The following TGM5 variants were observed in gnomAD, a reference collection of about 807,000 sequenced individuals.
TGM5 encodes the protein protein-glutamine gamma-glutamyltransferase 5.
TGM5 carries 69 observed loss-of-function variants against 77.2 expected under a neutral mutation model. The ratio of observed to expected loss-of-function variants is 0.89; its 90% CI spans 0.74 to 1.09. The LOEUF (loss-of-function observed/expected upper bound fraction) is 1.09, where lower values mean the gene tolerates loss of function less well. Among genes scored for constraint, TGM5 ranks in the 50% least tolerant of loss-of-function variants. The pLI is 0.00. For synonymous variants in TGM5, 346 were observed against 351.8 expected, an observed-to-expected ratio of 0.98 and a Z score of 0.18; for missense variants, 842 against 896.5, an observed-to-expected ratio of 0.94 and a Z score of 0.78.
In TGM5 at chr15:43,260,479, C is replaced by G. The variant is rs548499956; in HGVS notation, c.111G>C (p.Gln37His). The change falls in exon 2 of 13, where the codon CAG becomes CAC. Residue 37 changes from glutamine (Q) to histidine (H), a missense_variant. Physicochemically the swap from Gln to His is conservative, Grantham distance 24. Transcript: ENST00000220420. ...TGAAGTACAGGGTGAGGTTGAAGGC[C>G]TGGCCCCGGCGAACAAGCAGGTGGT... is the stretch of plus-strand genomic sequence containing the variant. ...TVDHLLVRRG[Q>H]AFNLTLYFRN... The G allele has an allele frequency of 6.2e-7, 1 of 1,614,172 alleles. No individual in the cohort carries two copies. The highest frequency in any genetic ancestry group is 1.1e-5 in the South Asian group (1 of 91,080).
chr15:43,235,464 C>A lies in TGM5; in HGVS notation c.1714+5G>T, dbSNP rs774026449. On this transcript the variant is annotated splice_donor_5th_base_variant and intron_variant, in intron 10 of 12. Transcript: ENST00000220420. The stretch of plus-strand genomic sequence containing the variant: ...TCTGCGTACACAAACTGTGCACATG[C>A]GTACCTTCTTTAGGAGAGAGTGTGA... The A allele has an allele frequency of 6.2e-7, 1 of 1,613,968 alleles. No homozygotes were observed. Among genetic ancestry groups the A allele is most frequent in the African/African-American group, 1.3e-5 (1 of 74,910 alleles).
intron 3 of TGM5, among the ~76,000 whole-genome samples, chr15:43,258,974 G>C (rs1425087269): frequency 6.6e-6 from 1 of 152,204 alleles, no homozygotes; most frequent in Non-Finnish European, 1.5e-5. Context: ...GCCATTCGGG[G>C]ACAGGGAAGC....
In TGM5 at chr15:43,252,842, G is replaced by A; in HGVS notation, c.779C>T (p.Ala260Val). ...TGTGGCGTTCCACTGCTTCAGGATG[G>A]CCACGCTGCCCGTCCACTCCGCAGG... ...ANPAEWTGSVAILKQWNATGC... is the reference protein window; with the variant it reads ...ANPAEWTGSVVILKQWNATGC... The change falls in exon 6 of 13, where the codon GCC becomes GTC. Residue 260 changes from alanine to valine, a missense_variant. Around this residue, in one of 2 missense-constraint regions of TGM5, gnomAD observed 815 missense variants for 844.6 expected, o/e 0.96. Transcript: ENST00000220420. 1 of 1,613,926 alleles carries A rather than the reference G, an allele frequency of 6.2e-7. No homozygotes were observed. The highest frequency in any genetic ancestry group is 8.5e-7 in the Non-Finnish European group (1 of 1,180,020).
chr15:43,242,402 A>G (rs937883644), intron 6 of TGM5, among the ~76,000 whole-genome samples: 2 of 151,256 alleles, frequency 1.3e-5, no homozygotes, highest in Admixed American at 6.6e-5. Flanking sequence ...TTGGTTTTCA[A>G]TTTTCCCCCT....
At position 43,260,077 on chromosome 15, in the gene TGM5, G is replaced by A. The variant is rs371948310; in HGVS notation, c.411C>T (p.Ile137=). 3 of 1,613,842 alleles carry A rather than the reference G, an allele frequency of 1.9e-6. No individual in the cohort carries two copies. The African/African-American group carries it at 4.0e-5, about 22-fold the overall frequency. ...CTGGGCACCAGGGATTGAAAAGCAG[G>A]ATGAACTCCCCTAGCTGGTAGGCCG... ...SVTAYQLGEF[I]LLFNPWCPED... Residue 137 remains isoleucine (I), a synonymous_variant, in exon 3 of 13, where the codon ATC becomes ATT. Transcript: ENST00000220420.
At chr15:43,249,895 G>T (rs1387351412) in intron 6 of TGM5, among the ~76,000 whole-genome samples, 1 of 152,256 alleles carries the variant, frequency 6.6e-6, no homozygotes, top group Non-Finnish European at 1.5e-5. Context: ...ACACTGGGAG[G>T]CAGGGCCGTA....
intron 6 of TGM5, among the ~76,000 whole-genome samples, chr15:43,251,953 C>T (rs757467518): frequency 2.6e-5 from 4 of 152,210 alleles, no homozygotes; most frequent in African/African-American, 4.8e-5. Context: ...GCTATCAGGC[C>T]CTCAACAACT....
At position 43,239,277 on chromosome 15, in the gene TGM5, C is replaced by T; in HGVS notation, c.1002-11G>A. 6.2e-7 allele frequency: 1 copy of T among 1,614,028 alleles called. No individual in the cohort carries two copies. The highest frequency in any genetic ancestry group is 8.5e-7 in the Non-Finnish European group (1 of 1,179,904). ...CAGACATGGAAGTTCCTGTGTCAAA[C>T]AGAGCCAAGGGAGACGTTGTACTGC... On this transcript the variant is annotated splice_polypyrimidine_tract_variant and intron_variant, in intron 7 of 12. Coordinates refer to ENST00000220420, the MANE Select transcript of TGM5 (RefSeq NM_201631.4).
chr15:43,262,457 C>A (rs539443234), intron 1 of TGM5, among the ~76,000 whole-genome samples: 2 of 152,326 alleles, frequency 1.3e-5, no homozygotes, highest in East Asian at 3.9e-4. Context: ...ATCCAACATT[C>A]TTTCATGATA....
chr15:43,260,368 C>A, intron 2 of TGM5, 32 bp downstream of exon 2: 2 of 1,614,216 alleles, frequency 1.2e-6, no homozygotes, highest in Non-Finnish European at 1.7e-6. Flanking sequence ...CCCAGACACA[C>A]ACAGCCCCTG....
At position 43,235,620 on chromosome 15, in the gene TGM5, C is replaced by T. The variant is rs137880109; in HGVS notation, c.1563G>A (p.Gln521=). ...GGGCCAGCAGGACAAAGCATATATC[C>T]TGGCCCATGTTGGGCGGGTCGAGCA... is the stretch of plus-strand genomic sequence containing the variant. ...FKLLDPPNMG[Q]DICFVLLALN... Residue 521 remains glutamine (Q), a synonymous_variant, in exon 10 of 13, where the codon CAG becomes CAA. Coordinates refer to ENST00000220420, the MANE Select transcript of TGM5 (RefSeq NM_201631.4). The T allele has an allele frequency of 2.2e-4, 352 of 1,614,066 alleles. No individual in the cohort carries two copies. The highest frequency in any genetic ancestry group is 2.7e-4 in the Non-Finnish European group (322 of 1,180,058).
At chr15:43,257,205 T>C (rs138978014) in intron 3 of TGM5, among the ~76,000 whole-genome samples, 46 of 152,350 alleles carry the variant, frequency 3.0e-4, no homozygotes, top group African/African-American at 1.1e-3. Flanking sequence ...ATCTGAGTGC[T>C]GTTTATGATT....
chr15:43,266,228 T>C (rs2042823781), intron 1 of TGM5, among the ~76,000 whole-genome samples: 1 of 152,238 alleles, frequency 6.6e-6, no homozygotes, highest in South Asian at 2.1e-4. Flanking sequence ...TAAATAAAGG[T>C]AAGGTTGTTA....
At chr15:43,241,058 G>A (rs2042632694) in intron 6 of TGM5, 68 bp from the exon 7 acceptor site, 7 of 1,604,096 alleles carry the variant, frequency 4.4e-6, no homozygotes, top group Admixed American at 1.7e-5. Flanking sequence ...CCTGGACTTT[G>A]GGGCCTGGAC....
At position 43,240,937 on chromosome 15, in the gene TGM5, G is replaced by A; in HGVS notation, c.916C>T (p.His306Tyr). 1 of 1,614,128 alleles carries A rather than the reference G, an allele frequency of 6.2e-7. No homozygotes were observed. Reference protein sequence around the residue: ...TRVITNFDSGHDTDGNLIIDE... With the variant: ...TRVITNFDSGYDTDGNLIIDE... ...ATGATCAGGTTTCCATCTGTATCGT[G>A]GCCAGAGTCGAAGTTGGTGATCACA... Residue 306 changes from histidine to tyrosine, a missense_variant, in exon 7 of 13, where the codon CAC becomes TAC. Physicochemically the swap from His to Tyr is moderately conservative, Grantham distance 83. Coordinates refer to ENST00000220420, the MANE Select transcript of TGM5 (RefSeq NM_201631.4).
chr15:43,255,522 C>T (rs1371509308), intron 4 of TGM5, among the ~76,000 whole-genome samples: 6 of 152,126 alleles, frequency 3.9e-5, no homozygotes, highest in South Asian at 2.1e-4. Flanking sequence ...CAGTTGAGGC[C>T]GCTATATCTC....
At position 43,235,554 on chromosome 15, in the gene TGM5, C is replaced by T. The variant is rs767223989; in HGVS notation, c.1629G>A (p.Leu543=). Residue 543 remains leucine, a synonymous_variant, in exon 10 of 13, where the codon CTG becomes CTA. Coordinates refer to ENST00000220420, the MANE Select transcript of TGM5 (RefSeq NM_201631.4). ...SSQFKDLKVN[L]SAQSLLHDGS... is the part of the protein sequence containing the mutation. ...CATCGTGCAGCAGAGACTGGGCACT[C>T]AGGTTCACTTTGAGGTCCTTGAACT... The T allele has an allele frequency of 2.5e-6, 4 of 1,614,040 alleles. No homozygotes were observed. Among genetic ancestry groups the T allele is most frequent in the Admixed American group, 1.7e-5 (1 of 60,000 alleles).
Position 43,262,169 on chromosome 15 carries a change from G to C in TGM5, c.11-1590C>G, listed in dbSNP as rs2042794509. ...TACCTGCTCCATGAAGCCTGCCTCA[G>C]TTGGCCCACCCTTCTTTCCATCACC... On this transcript the variant is annotated intron_variant, in intron 1 of 12. Coordinates refer to ENST00000220420, the MANE Select transcript of TGM5 (RefSeq NM_201631.4). Among the ~76,000 whole-genome samples, 3 of 152,186 alleles carry C rather than the reference G, an allele frequency of 2.0e-5. No individual in the cohort carries two copies. In the South Asian group the frequency reaches 6.2e-4, roughly 32 times the overall value.
chr15:43,243,214 A>G (rs1317620535), intron 6 of TGM5, among the ~76,000 whole-genome samples: 1 of 152,210 alleles, frequency 6.6e-6, no homozygotes, highest in African/African-American at 2.4e-5. Flanking sequence ...ATTCATCTTT[A>G]TCATTACTCA....
Sources: gnomAD v4.1 joint callset for allele counts (sites outside exome capture counted in the v4.1 genomes callset) on GRCh38, gnomAD v4.1.1 for gene constraint, gnomAD v4.1.1 regional missense constraint, MANE v1.5 for transcripts, NCBI Gene and HGNC (gene_info 2026-07-23, HGNC 2026-07-21) for gene names.